APBB2: variants seen among roughly 807,000 people sequenced by gnomAD.
APBB2 encodes the protein Fe65-like 1.
In APBB2, 38 loss-of-function variants were observed where a neutral mutation model predicts 82.5. That is an observed-to-expected ratio of 0.46 (90% confidence interval 0.36 to 0.60). The LOEUF (loss-of-function observed/expected upper bound fraction) is 0.60. APBB2 is among the 20% of genes least tolerant of loss of function. The pLI is 0.00. For missense variants in APBB2, 772 were observed against 972.3 expected, an observed-to-expected ratio of 0.79 and a Z score of 2.74; for synonymous variants, 341 against 368.2, an observed-to-expected ratio of 0.93 and a Z score of 0.85.
At chr4:40,939,574 G>T (rs55983774) in intron 7 of APBB2, among the ~76,000 whole-genome samples, 2,847 of 152,274 alleles carry the variant, frequency 0.019, 79 homozygotes, top group African/African-American at 0.052. Context: ...CAATGTCAGT[G>T]AGTGTTTTAT....
intron 5 of APBB2, among the ~76,000 whole-genome samples, chr4:41,028,517 T>C (rs992811487): frequency 1.3e-5 from 2 of 152,190 alleles, no homozygotes; most frequent in African/African-American, 4.8e-5. Flanking sequence ...CTGCCCAGCA[T>C]GACTGTACCA....
chr4:41,109,207 T>C (rs1041833590), intron 2 of APBB2, among the ~76,000 whole-genome samples: 8 of 151,996 alleles, frequency 5.3e-5, no homozygotes, highest in African/African-American at 1.9e-4. Flanking sequence ...TAGGCTGCAA[T>C]GGGCTACAAT....
chr4:41,191,836 T>C (rs1203792071), intron 1 of APBB2, among the ~76,000 whole-genome samples: 1 of 152,108 alleles, frequency 6.6e-6, no homozygotes, highest in Non-Finnish European at 1.5e-5. Context: ...CAAAATGAAA[T>C]GGCAACCTAT....
chr4:40,961,598 A>T (rs1165663139), intron 6 of APBB2, among the ~76,000 whole-genome samples: 1 of 144,184 alleles, frequency 6.9e-6, no homozygotes, highest in Non-Finnish European at 1.5e-5. Context: ...TGCATATGTA[A>T]CTAACCTGCA....
intron 4 of APBB2, among the ~76,000 whole-genome samples, chr4:41,054,118 C>G (rs1579605281): frequency 6.6e-6 from 1 of 152,212 alleles, no homozygotes. Context: ...CTCTGAGGCT[C>G]TTGGACTTTC....
At chr4:40,963,444 C>T (rs1462892174) in intron 6 of APBB2, among the ~76,000 whole-genome samples, 1 of 152,096 alleles carries the variant, frequency 6.6e-6, no homozygotes, top group South Asian at 2.1e-4. Context: ...GACAGGGTCT[C>T]GCCATGTTGC....
intron 2 of APBB2, among the ~76,000 whole-genome samples, chr4:41,141,545 A>G (rs1255254628): frequency 6.6e-6 from 1 of 152,224 alleles, no homozygotes; most frequent in Non-Finnish European, 1.5e-5. Flanking sequence ...AAACTCACAG[A>G]AGGCAAAACT....
At chr4:41,029,910 A>G (rs112311286) in intron 5 of APBB2, among the ~76,000 whole-genome samples, 13,329 of 152,124 alleles carry the variant, frequency 0.088, 721 homozygotes, top group Admixed American at 0.14. Context: ...TAATCCTAGC[A>G]CTTTGGGAGG....
At chr4:41,059,883 C>G (rs1729178363) in intron 4 of APBB2, among the ~76,000 whole-genome samples, 1 of 151,826 alleles carries the variant, frequency 6.6e-6, no homozygotes, top group African/African-American at 2.4e-5. Context: ...AGAGTCTCCC[C>G]GACCAAGCTG....
intron 6 of APBB2, among the ~76,000 whole-genome samples, chr4:40,986,125 A>T (rs1369925175): frequency 6.6e-6 from 1 of 152,250 alleles, no homozygotes; most frequent in Non-Finnish European, 1.5e-5. Flanking sequence ...AATCTTCTCA[A>T]GCTACTCCAT....
chr4:41,004,836 C>CCAA (rs766526391), intron 6 of APBB2, among the ~76,000 whole-genome samples: 1 of 49,258 alleles, frequency 2.0e-5, no homozygotes, highest in Non-Finnish European at 3.4e-5. Context: ...GACCCCATCT[C>CCAA]AAAAAAAAAA....
At chr4:41,162,195 C>T (rs76785427) in intron 1 of APBB2, among the ~76,000 whole-genome samples, 7,475 of 145,122 alleles carry the variant, frequency 0.052, 264 homozygotes, top group Non-Finnish European at 0.072. Context: ...CAAATTTCCC[C>T]GTCTTTTTTT....
chr4:40,905,500 G>C (rs1269142974), intron 10 of APBB2, among the ~76,000 whole-genome samples: 1 of 152,164 alleles, frequency 6.6e-6, no homozygotes, highest in African/African-American at 2.4e-5. Context: ...AAAACGAAAG[G>C]ATTCTTTCAA....
chr4:40,846,857 G>A (rs536609696), intron 12 of APBB2, among the ~76,000 whole-genome samples: 3 of 152,128 alleles, frequency 2.0e-5, no homozygotes, highest in Non-Finnish European at 4.4e-5. Flanking sequence ...ACCAGGAAAC[G>A]AGTATTTTTA....
At chr4:41,135,486 T>A (rs143911835) in intron 2 of APBB2, among the ~76,000 whole-genome samples, 2 of 152,318 alleles carry the variant, frequency 1.3e-5, no homozygotes, top group East Asian at 3.9e-4. Context: ...TAATAATCAA[T>A]TTGGAAATTT....
chr4:40,983,944 T>C (rs1578988586), intron 6 of APBB2, among the ~76,000 whole-genome samples: 2 of 152,198 alleles, frequency 1.3e-5, no homozygotes, highest in Admixed American at 1.3e-4. Flanking sequence ...AAATTTGTAA[T>C]TGCAAAACTG....
At chr4:41,213,084 G>GA (rs35220290) in intron 1 of APBB2, among the ~76,000 whole-genome samples, 125 of 126,750 alleles carry the variant, frequency 9.9e-4, no homozygotes, top group Middle Eastern at 8.3e-3. Context: ...ACCATGACAA[G>GA]AAAAAAAAAA....
intron 2 of APBB2, among the ~76,000 whole-genome samples, chr4:41,132,406 T>G (rs1366500752): frequency 2.0e-5 from 3 of 152,202 alleles, no homozygotes; most frequent in East Asian, 3.8e-4. Flanking sequence ...CAAAAGATAT[T>G]TAAAAAGTCA....
intron 6 of APBB2, among the ~76,000 whole-genome samples, chr4:40,984,357 T>G (rs970055517): frequency 2.0e-5 from 3 of 152,078 alleles, no homozygotes. Flanking sequence ...CCTTCTACCT[T>G]TCAGGGAACT....
Sources: allele counts gnomAD v4.1 joint callset (sites outside exome capture counted in the v4.1 genomes callset), GRCh38; gene constraint gnomAD v4.1.1; transcripts MANE v1.5; gene names NCBI Gene and HGNC (gene_info 2026-07-23, HGNC 2026-07-21).